Variants in IMMP2L observed in about 807,000 individuals in gnomAD.
IMMP2L encodes the protein inner mitochondrial membrane peptidase subunit 2.
Under a neutral mutation model 19.3 loss-of-function variants are expected in IMMP2L, and 18 were observed. The observed-to-expected ratio is 0.93, with a 90% confidence interval of 0.64 to 1.38. IMMP2L has a LOEUF of 1.38. Among genes scored for constraint, IMMP2L ranks in the 40% most tolerant of loss-of-function variants. The pLI, the probability that IMMP2L is intolerant of heterozygous loss-of-function variation, is 0.00. For missense variants in IMMP2L, 233 were observed against 218.2 expected, an observed-to-expected ratio of 1.07 and a Z score of -0.43; for synonymous variants, 76 against 73.0, an observed-to-expected ratio of 1.04 and a Z score of -0.21.
At chr7:110,812,832 C>T (rs1314458820) in intron 5 of IMMP2L, among the ~76,000 whole-genome samples, 32 of 151,902 alleles carry the variant, frequency 2.1e-4, no homozygotes, top group Non-Finnish European at 7.4e-5. Context: ...ACCTAAAATT[C>T]CATGTATAGA....
At chr7:111,362,312 C>G (rs1445533050) in intron 3 of IMMP2L, among the ~76,000 whole-genome samples, 1 of 151,906 alleles carries the variant, frequency 6.6e-6, no homozygotes, top group Non-Finnish European at 1.5e-5. Flanking sequence ...TAAAATTGAA[C>G]TTTTAAATTG....
At chr7:111,135,678 T>C (rs1046781920) in intron 3 of IMMP2L, among the ~76,000 whole-genome samples, 5 of 152,230 alleles carry the variant, frequency 3.3e-5, no homozygotes, top group Non-Finnish European at 7.3e-5. Context: ...GTTAATAACT[T>C]AGTATATTTT....
intron 3 of IMMP2L, chr7:111,394,871 A>ATTC (rs1832716374): frequency 4.3e-6 from 1 of 231,086 alleles, no homozygotes; most frequent in Non-Finnish European, 9.5e-6. Context: ...TGTAAGGCCC[A>ATTC]TTCACTTTTC....
chr7:111,343,642 A>G (rs1457511935), intron 3 of IMMP2L, among the ~76,000 whole-genome samples: 1 of 152,068 alleles, frequency 6.6e-6, no homozygotes, highest in East Asian at 1.9e-4. Context: ...CACTTAGTAA[A>G]CTCAGTATCT....
At chr7:111,397,071 G>A (rs950264969) in intron 3 of IMMP2L, among the ~76,000 whole-genome samples, 8 of 151,616 alleles carry the variant, frequency 5.3e-5, no homozygotes, top group Non-Finnish European at 1.0e-4. Context: ...CTGGGCAACA[G>A]AGCGAGACTC....
rs10248799 is a variant in IMMP2L at position 111,178,258 on chromosome 7, C to T, written c.240-214693G>A. Reference sequence around the variant, plus strand: ...CTGTACTTTATTAAATGTGTAATAGCATTATGTCTAACAAAGTATATAGCT... The same window carrying T: ...CTGTACTTTATTAAATGTGTAATAGTATTATGTCTAACAAAGTATATAGCT... On this transcript the variant is annotated intron_variant, in intron 3 of 5. Coordinates refer to ENST00000405709, the MANE Select transcript of IMMP2L (RefSeq NM_032549.4). 9.3e-3 allele frequency among the ~76,000 whole-genome samples: 1,413 copies of T among 152,132 alleles called. 22 individuals carry two copies. Among genetic ancestry groups the T allele is most frequent in the African/African-American group, 0.032 (1,309 of 41,522 alleles).
At chr7:111,161,944 A>G (rs1484720842) in intron 3 of IMMP2L, among the ~76,000 whole-genome samples, 2 of 152,038 alleles carry the variant, frequency 1.3e-5, no homozygotes, top group African/African-American at 4.8e-5. Flanking sequence ...TTATATTACG[A>G]TATGCTTTAA....
At chr7:111,472,105 T>C (rs1456359227) in intron 3 of IMMP2L, among the ~76,000 whole-genome samples, 1 of 152,192 alleles carries the variant, frequency 6.6e-6, no homozygotes, top group African/African-American at 2.4e-5. Flanking sequence ...TATCCTTTGT[T>C]CACCAGTCAA....
At chr7:111,267,110 T>C (rs1817917812) in intron 3 of IMMP2L, among the ~76,000 whole-genome samples, 1 of 152,194 alleles carries the variant, frequency 6.6e-6, no homozygotes, top group Non-Finnish European at 1.5e-5. Flanking sequence ...TTCTTCCATA[T>C]GTCCAAAATT....
chr7:111,020,578 A>G (rs1826180024), intron 3 of IMMP2L, among the ~76,000 whole-genome samples: 1 of 152,122 alleles, frequency 6.6e-6, no homozygotes, highest in African/African-American at 2.4e-5. Context: ...CCTGGGCAAA[A>G]TGGTAAAACA....
chr7:110,864,261 A>G (rs1329877184), intron 5 of IMMP2L, among the ~76,000 whole-genome samples: 2 of 152,120 alleles, frequency 1.3e-5, no homozygotes, highest in Non-Finnish European at 1.5e-5. Context: ...AAATTGAAAT[A>G]AAGTTAGTAC....
chr7:111,006,777 G>A (rs181645438), intron 3 of IMMP2L, among the ~76,000 whole-genome samples: 103 of 152,180 alleles, frequency 6.8e-4, no homozygotes, highest in African/African-American at 2.4e-3. Context: ...TTATAATCAT[G>A]TAAGCACTTG....
At chr7:111,146,072 A>G (rs1054597850) in intron 3 of IMMP2L, among the ~76,000 whole-genome samples, 3 of 152,126 alleles carry the variant, frequency 2.0e-5, no homozygotes, top group South Asian at 4.1e-4. Flanking sequence ...GAATATAAAA[A>G]TAAGTGAAGA....
chr7:111,258,080 G>C (rs1169360457), intron 3 of IMMP2L, among the ~76,000 whole-genome samples: 1 of 151,870 alleles, frequency 6.6e-6, no homozygotes. Flanking sequence ...AGCAAGGCAT[G>C]TTTTCCTAGC....
At chr7:110,669,132 G>T (rs776432143) in intron 5 of IMMP2L, among the ~76,000 whole-genome samples, 1 of 150,308 alleles carries the variant, frequency 6.7e-6, no homozygotes, top group East Asian at 2.0e-4. Context: ...GAGAAAGAGA[G>T]ATTTATCTTT....
intron 3 of IMMP2L, among the ~76,000 whole-genome samples, chr7:111,161,121 G>A (rs774851038): frequency 2.0e-5 from 3 of 151,650 alleles, no homozygotes; most frequent in African/African-American, 7.3e-5. Context: ...AACAGACTCC[G>A]AGATTTTTAA....
intron 3 of IMMP2L, among the ~76,000 whole-genome samples, chr7:111,033,544 A>T (rs1244681366): frequency 6.6e-6 from 1 of 152,242 alleles, no homozygotes; most frequent in Non-Finnish European, 1.5e-5. Flanking sequence ...AGCTTTATTC[A>T]TAATTGCCAA....
intron 5 of IMMP2L, among the ~76,000 whole-genome samples, chr7:110,819,222 AC>A (rs1423791118): frequency 3.9e-5 from 6 of 152,140 alleles, no homozygotes; most frequent in Non-Finnish European, 7.4e-5. Context: ...CTTGGGTGGA[AC>A]CTTGCTGGAA....
chr7:111,401,145 A>G (rs1446787231), intron 3 of IMMP2L, among the ~76,000 whole-genome samples: 5 of 152,152 alleles, frequency 3.3e-5, no homozygotes, highest in African/African-American at 1.2e-4. Context: ...ATACCCCAAA[A>G]ACTCAGCCTC....
Sources: allele counts gnomAD v4.1 joint callset (sites outside exome capture counted in the v4.1 genomes callset), GRCh38; gene constraint gnomAD v4.1.1; transcripts MANE v1.5; gene names NCBI Gene and HGNC (gene_info 2026-07-23, HGNC 2026-07-21).